Variants in CSMD1 observed in about 807,000 individuals in gnomAD.
CSMD1 encodes CUB and sushi domain-containing protein 1.
A neutral mutation model predicts 417.5 loss-of-function variants in CSMD1; 213 were observed. That is an observed-to-expected ratio of 0.51 (90% CI 0.46 to 0.57). The LOEUF (loss-of-function observed/expected upper bound fraction) is 0.57. Ranked by LOEUF, CSMD1 falls within the 20% of genes least tolerant of loss-of-function variation. The probability of loss-of-function intolerance (pLI) is 0.00; values close to 1 mark genes in which losing one functional copy is unlikely to be tolerated. For synonymous variants in CSMD1, 2,862 were observed against 1,736.8 expected, an observed-to-expected ratio of 1.65 and a Z score of -16.11; for missense variants, 6,923 against 4,529.7, an observed-to-expected ratio of 1.53 and a Z score of -15.17.
intron 3 of CSMD1, among the ~76,000 whole-genome samples, chr8:4,338,838 A>T (rs1255630734): frequency 6.6e-6 from 1 of 152,120 alleles, no homozygotes; most frequent in Non-Finnish European, 1.5e-5. Context: ...ATTCAGCTTT[A>T]TATTACTTTT....
chr8:3,580,374 A>G (rs1286824232), intron 9 of CSMD1, among the ~76,000 whole-genome samples: 2 of 152,144 alleles, frequency 1.3e-5, no homozygotes, highest in South Asian at 2.1e-4. Context: ...AACGGCATAA[A>G]TGGACAGTCA....
At position 3,308,732 on chromosome 8, in the gene CSMD1, G is replaced by GTTTTT. The variant is rs5888961; in HGVS notation, c.3632-234_3632-230dup. ...CTTATTTGTTCCTCCCTACTTACAAGTTTTTTTTTTTTTTTTTTTTTGCTT... is the reference window on the plus strand; with the variant it reads ...CTTATTTGTTCCTCCCTACTTACAAGTTTTTTTTTTTTTTTTTTTTTTTTTTGCTT... On this transcript the variant is annotated intron_variant, in intron 23 of 69. Coordinates refer to ENST00000635120, the MANE Select transcript of CSMD1 (RefSeq NM_033225.6). 3.8e-4 allele frequency among the ~76,000 whole-genome samples: 41 copies of GTTTTT among 108,946 alleles called. 1 individual carries two copies. Among genetic ancestry groups the GTTTTT allele is most frequent in the African/African-American group, 1.1e-3 (32 of 27,844 alleles). The allele number at this position is 108,946 out of a possible 152,430, so 71.5% of individuals were successfully genotyped here. A position where few individuals can be genotyped will look rare whatever the true frequency, so the allele number is the denominator to read the frequency against.
intron 5 of CSMD1, among the ~76,000 whole-genome samples, chr8:3,829,464 C>A (rs1020705062): frequency 3.9e-5 from 6 of 152,094 alleles, no homozygotes; most frequent in Non-Finnish European, 8.8e-5. Context: ...TCTGCAGAGC[C>A]CTTGCCGCCA....
chr8:3,939,060 A>C (rs1810698167), intron 5 of CSMD1, among the ~76,000 whole-genome samples: 1 of 152,148 alleles, frequency 6.6e-6, no homozygotes, highest in Non-Finnish European at 1.5e-5. Flanking sequence ...TTGAGCCAAC[A>C]GTCTGACAGA....
At chr8:4,007,391 G>A (rs1428055884) in intron 4 of CSMD1, among the ~76,000 whole-genome samples, 1 of 152,118 alleles carries the variant, frequency 6.6e-6, no homozygotes, top group Non-Finnish European at 1.5e-5. Flanking sequence ...TGGGGCCAGG[G>A]CACCTATGTT....
intron 5 of CSMD1, among the ~76,000 whole-genome samples, chr8:3,953,519 A>G (rs1811724089): frequency 6.6e-6 from 1 of 152,150 alleles, no homozygotes; most frequent in Non-Finnish European, 1.5e-5. Flanking sequence ...GGAAAAGATA[A>G]TGACATTGCC....
At chr8:4,630,301 C>G (rs933899652) in intron 2 of CSMD1, among the ~76,000 whole-genome samples, 2 of 133,768 alleles carry the variant, frequency 1.5e-5, no homozygotes, top group African/African-American at 2.7e-5. Flanking sequence ...CACACACACA[C>G]ACACTCTCAC....
At chr8:4,166,419 A>G (rs908145134) in intron 3 of CSMD1, among the ~76,000 whole-genome samples, 6 of 152,232 alleles carry the variant, frequency 3.9e-5, no homozygotes, top group African/African-American at 1.2e-4. Flanking sequence ...ATACCACACA[A>G]TAATAGCCAT....
intron 2 of CSMD1, among the ~76,000 whole-genome samples, chr8:4,501,306 T>C (rs1291279968): frequency 6.6e-6 from 1 of 152,260 alleles, no homozygotes; most frequent in East Asian, 1.9e-4. Context: ...ACATGAATGA[T>C]TGTTTTGTCT....
chr8:3,416,011 A>C (rs1352519636), intron 12 of CSMD1, among the ~76,000 whole-genome samples: 1 of 152,152 alleles, frequency 6.6e-6, no homozygotes, highest in Non-Finnish European at 1.5e-5. Flanking sequence ...TTTAAAAATA[A>C]GTGTTCTTGG....
intron 46 of CSMD1, among the ~76,000 whole-genome samples, chr8:3,104,925 C>T (rs112492873): frequency 6.6e-6 from 1 of 152,084 alleles, no homozygotes; most frequent in South Asian, 2.1e-4. Context: ...AGGCTGGTCT[C>T]GACCTCCCAG....
intron 4 of CSMD1, among the ~76,000 whole-genome samples, chr8:4,006,182 G>A (rs1816094709): frequency 6.6e-6 from 1 of 152,278 alleles, no homozygotes; most frequent in African/African-American, 2.4e-5. Flanking sequence ...ATTTTTGGGT[G>A]CATTCTCATG....
chr8:3,988,932 C>A lies in CSMD1; in HGVS notation c.818+8971G>T, dbSNP rs140346575. ...TTTAAAAGTTGAGTGGAGAAGTTAA[C>A]AGCTTTTATAACTCAAAAAATTTGA... On this transcript the variant is annotated intron_variant, in intron 5 of 69. Transcript: ENST00000635120. Among the ~76,000 whole-genome samples, 925 of 152,292 alleles carry A rather than the reference C, an allele frequency of 6.1e-3. 10 individuals carry two copies. Among genetic ancestry groups the A allele is most frequent in the African/African-American group, 0.022 (895 of 41,552 alleles).
chr8:4,841,929 A>AAAAAAAAAAACAAAAC (rs1554499183), intron 1 of CSMD1, among the ~76,000 whole-genome samples: 1 of 144,368 alleles, frequency 6.9e-6, no homozygotes. Context: ...AAAAAAAAAA[A>AAAAAAAAAAACAAAAC]AAAAAAAAAG....
chr8:3,109,412 C>G (rs761482262), intron 43 of CSMD1, among the ~76,000 whole-genome samples: 14 of 152,178 alleles, frequency 9.2e-5, no homozygotes, highest in Non-Finnish European at 1.2e-4. Flanking sequence ...TGTGGTCAAC[C>G]TAATATTTCA....
At chr8:4,953,466 T>C (rs139148947) in intron 1 of CSMD1, among the ~76,000 whole-genome samples, 18 of 152,286 alleles carry the variant, frequency 1.2e-4, no homozygotes, top group African/African-American at 4.3e-4. Flanking sequence ...ATAATTGCTT[T>C]ATAAGGAGCA....
intron 5 of CSMD1, among the ~76,000 whole-genome samples, chr8:3,765,913 CA>C (rs1324016584): frequency 6.6e-6 from 1 of 152,204 alleles, no homozygotes; most frequent in Non-Finnish European, 1.5e-5. Flanking sequence ...TCAAACATGA[CA>C]GACTTGAGAG....
chr8:3,342,178 C>T (rs1220767422), intron 23 of CSMD1, among the ~76,000 whole-genome samples: 1 of 152,164 alleles, frequency 6.6e-6, no homozygotes, highest in Non-Finnish European at 1.5e-5. Flanking sequence ...TTCAGCCACA[C>T]TTATTCTATT....
chr8:4,423,392 C>G (rs908875601), intron 2 of CSMD1, among the ~76,000 whole-genome samples: 1 of 152,034 alleles, frequency 6.6e-6, no homozygotes, highest in African/African-American at 2.4e-5. Context: ...ATACAAAAAT[C>G]TATTGTAGTT....
Sources: gnomAD v4.1 joint callset for allele counts (sites outside exome capture counted in the v4.1 genomes callset) on GRCh38, gnomAD v4.1.1 for gene constraint, MANE v1.5 for transcripts, NCBI Gene and HGNC (gene_info 2026-07-23, HGNC 2026-07-21) for gene names.